Variants in SRPK2 observed in about 807,000 individuals in gnomAD.
The protein encoded by SRPK2 is SRSF protein kinase 2.
SRPK2 carries 21 observed loss-of-function variants against 90.8 expected under a neutral mutation model. That is an observed-to-expected ratio of 0.23 (90% CI 0.16 to 0.33). The LOEUF (loss-of-function observed/expected upper bound fraction) is 0.33. Ranked by LOEUF, SRPK2 falls within the 10% of genes least tolerant of loss-of-function variation. The pLI is 1.00. For missense variants in SRPK2, 620 were observed against 869.0 expected (o/e 0.71, Z 3.60); for synonymous variants, 288 against 311.1 (o/e 0.93, Z 0.78).
intron 3 of SRPK2, among the ~76,000 whole-genome samples, chr7:105,170,323 T>C (rs982637130): frequency 6.6e-6 from 1 of 152,148 alleles, no homozygotes; most frequent in Non-Finnish European, 1.5e-5. Flanking sequence ...TGTCTTAATT[T>C]ACCCTCTAAC....
intron 3 of SRPK2, among the ~76,000 whole-genome samples, chr7:105,196,678 T>C (rs1468455321): frequency 2.6e-5 from 4 of 152,224 alleles, no homozygotes; most frequent in African/African-American, 4.8e-5. Flanking sequence ...TACAAATATT[T>C]CTTTTGTTTG....
intron 2 of SRPK2, chr7:105,204,862 G>A: frequency 2.2e-6 from 1 of 449,980 alleles, no homozygotes; most frequent in South Asian, 1.9e-5. Context: ...CTAAGCCCTA[G>A]TTGTTGAGAG....
At chr7:105,329,828 G>A (rs544781166) in intron 2 of SRPK2, among the ~76,000 whole-genome samples, 113 of 151,728 alleles carry the variant, frequency 7.4e-4, no homozygotes, top group African/African-American at 2.5e-3. Context: ...CCAAGAGTTC[G>A]AGACCAGCCT....
intron 2 of SRPK2, among the ~76,000 whole-genome samples, chr7:105,333,340 T>C (rs948247950): frequency 6.6e-6 from 1 of 152,240 alleles, no homozygotes; most frequent in Non-Finnish European, 1.5e-5. Flanking sequence ...TATTAAGTAA[T>C]AACATTTAGC....
At chr7:105,152,353 T>C (rs1252134651) in intron 7 of SRPK2, among the ~76,000 whole-genome samples, 2 of 152,068 alleles carry the variant, frequency 1.3e-5, no homozygotes, top group African/African-American at 4.8e-5. Context: ...TTTCGCCATG[T>C]TGGCCAGGCT....
At chr7:105,340,265 T>C (rs1277004079) in intron 2 of SRPK2, among the ~76,000 whole-genome samples, 1 of 90,486 alleles carries the variant, frequency 1.1e-5, no homozygotes, top group Non-Finnish European at 2.7e-5. Context: ...CAATGACTAT[T>C]TCAAGAAAAA....
intron 3 of SRPK2, among the ~76,000 whole-genome samples, chr7:105,202,243 C>T (rs1795656648): frequency 6.6e-6 from 1 of 152,160 alleles, no homozygotes; most frequent in African/African-American, 2.4e-5. Flanking sequence ...TAAATGTACA[C>T]TGTTTCTGAA....
chr7:105,344,996 G>T (rs2131952931), intron 2 of SRPK2, among the ~76,000 whole-genome samples: 1 of 152,034 alleles, frequency 6.6e-6, no homozygotes, highest in African/African-American at 2.4e-5. Flanking sequence ...ATTAGCTGGG[G>T]GTGATGGCAG....
chr7:105,196,943 G>A (rs542672478), intron 3 of SRPK2, among the ~76,000 whole-genome samples: 78 of 152,200 alleles, frequency 5.1e-4, no homozygotes, highest in Non-Finnish European at 9.7e-4. Context: ...CAAGCTACTC[G>A]GGAGGCTGAG....
intron 2 of SRPK2, among the ~76,000 whole-genome samples, chr7:105,283,607 G>T (rs1432512385): frequency 1.3e-5 from 2 of 152,116 alleles, no homozygotes; most frequent in Non-Finnish European, 2.9e-5. Flanking sequence ...TTGCGGGTAG[G>T]GCAGGGTGGG....
At chr7:105,270,887 C>G (rs1805746971) in intron 2 of SRPK2, among the ~76,000 whole-genome samples, 1 of 152,156 alleles carries the variant, frequency 6.6e-6, no homozygotes, top group Non-Finnish European at 1.5e-5. Context: ...CATGAGCCCT[C>G]CCTGCTTCAT....
intron 3 of SRPK2, among the ~76,000 whole-genome samples, chr7:105,170,092 G>C (rs1471637681): frequency 2.0e-5 from 3 of 152,124 alleles, no homozygotes; most frequent in African/African-American, 7.2e-5. Context: ...TGGGATTATA[G>C]GCATGAGCCA....
At chr7:105,191,673 C>G (rs1262873163) in intron 3 of SRPK2, among the ~76,000 whole-genome samples, 1 of 152,054 alleles carries the variant, frequency 6.6e-6, no homozygotes, top group Non-Finnish European at 1.5e-5. Flanking sequence ...GTGGGGTTTT[C>G]TGGTCACTGC....
intron 2 of SRPK2, chr7:105,297,580 G>A (rs1350012626): frequency 1.3e-6 from 1 of 783,494 alleles, no homozygotes; most frequent in African/African-American, 1.9e-5. Context: ...CATACAGAAG[G>A]TCCACGCTAC....
intron 10 of SRPK2, among the ~76,000 whole-genome samples, chr7:105,142,880 T>C (rs551253691): frequency 6.6e-6 from 1 of 152,256 alleles, no homozygotes; most frequent in Non-Finnish European, 1.5e-5. Context: ...TTTTAAAAAC[T>C]ATTTTGAAAT....
At chr7:105,289,498 G>A (rs1808660368) in intron 2 of SRPK2, among the ~76,000 whole-genome samples, 1 of 152,218 alleles carries the variant, frequency 6.6e-6, no homozygotes, top group South Asian at 2.1e-4. Context: ...TAAGTGTGCG[G>A]CAGCACTCTG....
intron 2 of SRPK2, among the ~76,000 whole-genome samples, chr7:105,360,527 T>G (rs551180049): frequency 2.0e-3 from 304 of 152,322 alleles, no homozygotes; most frequent in Middle Eastern, 6.8e-3. Flanking sequence ...CTTTCCATAT[T>G]TAGTGCTTCC....
intron 2 of SRPK2, among the ~76,000 whole-genome samples, chr7:105,300,883 T>C (rs186138001): frequency 6.6e-6 from 1 of 152,236 alleles, no homozygotes; most frequent in Non-Finnish European, 1.5e-5. Context: ...CTGGAGAGGA[T>C]GTGGAGAAAA....
At chr7:105,342,967 A>C (rs1368934332) in intron 2 of SRPK2, among the ~76,000 whole-genome samples, 1 of 152,224 alleles carries the variant, frequency 6.6e-6, no homozygotes, top group African/African-American at 2.4e-5. Context: ...TAAGGGCCTG[A>C]AAAATTTATT....
Sources: gnomAD v4.1 joint callset for allele counts (sites outside exome capture counted in the v4.1 genomes callset) on GRCh38, gnomAD v4.1.1 for gene constraint, MANE v1.5 for transcripts, NCBI Gene and HGNC (gene_info 2026-07-23, HGNC 2026-07-21) for gene names.